The following PLCE1 variants were observed in gnomAD, a reference collection of about 807,000 sequenced individuals.
PLCE1 encodes the protein 1-phosphatidylinositol 4,5-bisphosphate phosphodiesterase epsilon-1.
PLCE1 carries 119 observed loss-of-function variants against 242.8 expected under a neutral mutation model. The ratio of observed to expected loss-of-function variants is 0.49; its 90% CI spans 0.42 to 0.57. The LOEUF (loss-of-function observed/expected upper bound fraction) is 0.57, where lower values mean the gene tolerates loss of function less well. Among genes scored for constraint, PLCE1 ranks in the 20% least tolerant of loss-of-function variants. The pLI is 0.00. For missense variants in PLCE1, 2,441 were observed against 2,788.8 expected (o/e 0.88, Z 2.81); for synonymous variants, 945 against 1,017.4 (o/e 0.93, Z 1.35).
intron 2 of PLCE1, among the ~76,000 whole-genome samples, chr10:94,083,071 C>T (rs1351258752): frequency 1.3e-5 from 2 of 152,138 alleles, no homozygotes; most frequent in Non-Finnish European, 2.9e-5. Context: ...TGCAACCAAG[C>T]TCCTGATAAG....
At chr10:94,084,742 T>C (rs1436532978) in intron 2 of PLCE1, among the ~76,000 whole-genome samples, 3 of 152,198 alleles carry the variant, frequency 2.0e-5, no homozygotes, top group East Asian at 3.8e-4. Flanking sequence ...CTGTTTCTGA[T>C]TGGACAATGC....
Position 94,270,480 on chromosome 10 carries a change from T to A in PLCE1, c.4390-6T>A. 1 of 1,596,412 alleles carries A rather than the reference T, an allele frequency of 6.3e-7. No homozygotes were observed. The highest frequency in any genetic ancestry group is 8.6e-7 in the Non-Finnish European group (1 of 1,164,056). On this transcript the variant is annotated splice_polypyrimidine_tract_variant and splice_region_variant and intron_variant, in intron 17 of 32. Coordinates refer to ENST00000371380, the MANE Select transcript of PLCE1 (RefSeq NM_016341.4). ...GGACTCTAATGAGCTGTTTTGGCTC[T>A]CATAGGAAGTGGTTGAAGCCATTGA...
Position 94,308,621 on chromosome 10 carries a change from C to G in PLCE1, c.5925C>G (p.Val1975=). The G allele has an allele frequency of 6.2e-7, 1 of 1,613,448 alleles. No individual in the cohort carries two copies. Among genetic ancestry groups the G allele is most frequent in the Non-Finnish European group, 8.5e-7 (1 of 1,179,418 alleles). Residue 1975 remains valine, a synonymous_variant, in exon 27 of 33, where the codon GTC becomes GTG. Transcript: ENST00000371380. ...AGCTGCGAAACCTTCACAATGAAGT[C>G]TTGGAGATTTCTAGTTTATTCATTA... is the stretch of plus-strand genomic sequence containing the variant. ...HLQLRNLHNE[V]LEISSLFINS... is the part of the protein sequence containing the mutation.
intron 2 of PLCE1, chr10:94,107,678 G>A (rs1361534070): frequency 6.6e-6 from 1 of 152,010 alleles, no homozygotes; most frequent in East Asian, 1.9e-4. Context: ...TTTCTAATTG[G>A]AGTTAGGATG....
intron 3 of PLCE1, among the ~76,000 whole-genome samples, chr10:94,165,351 C>T (rs113513805): frequency 6.6e-5 from 10 of 152,318 alleles, no homozygotes; most frequent in South Asian, 2.1e-4. Context: ...CCCCCAGCCT[C>T]GCTGCCGCCT....
At chr10:94,160,057 T>C (rs934792844) in intron 3 of PLCE1, among the ~76,000 whole-genome samples, 3 of 152,214 alleles carry the variant, frequency 2.0e-5, no homozygotes, top group African/African-American at 7.2e-5. Context: ...TTTCCTATTG[T>C]GAATAGTGCC....
At chr10:94,267,017 C>A (rs1014421948) in intron 16 of PLCE1, among the ~76,000 whole-genome samples, 1 of 152,156 alleles carries the variant, frequency 6.6e-6, no homozygotes. Context: ...AGGTAATGTA[C>A]TACTCCTCTA....
chr10:94,078,945 A>T (rs1412889314), intron 2 of PLCE1, among the ~76,000 whole-genome samples: 1 of 152,166 alleles, frequency 6.6e-6, no homozygotes, highest in Non-Finnish European at 1.5e-5. Flanking sequence ...GAAGTTGAGG[A>T]TGTGTGCAAA....
chr10:94,235,867 T>A (rs771341466), intron 6 of PLCE1, 48 bp from the exon 7 acceptor site: 1 of 1,530,956 alleles, frequency 6.5e-7, no homozygotes, highest in South Asian at 1.1e-5. Context: ...AAGTATGTTA[T>A]CCAGGCATAT....
chr10:94,150,853 G>A (rs938534159), intron 3 of PLCE1, among the ~76,000 whole-genome samples: 9 of 152,180 alleles, frequency 5.9e-5, no homozygotes, highest in African/African-American at 2.2e-4. Context: ...TGCAGTGAGT[G>A]AAGGTGCCCA....
chr10:94,273,709 T>C lies in PLCE1; in HGVS notation c.4654T>C (p.Leu1552=), dbSNP rs1564850808. ...AGCCCATCAGACGCCAGTGGATATC[T>C]TAAAGCAAAAGGTACTCCCCTCTGT... ...LKAHQTPVDI[L]KQKAHQLASM... Residue 1552 remains leucine (L), a synonymous_variant, in exon 19 of 33, where the codon TTA becomes CTA. Coordinates refer to ENST00000371380, the MANE Select transcript of PLCE1 (RefSeq NM_016341.4). 6.2e-7 allele frequency: 1 copy of C among 1,613,874 alleles called. No homozygotes were observed. The highest frequency in any genetic ancestry group is 8.5e-7 in the Non-Finnish European group (1 of 1,179,844).
chr10:94,296,399 T>C (rs887429584), intron 23 of PLCE1, among the ~76,000 whole-genome samples: 6 of 151,774 alleles, frequency 4.0e-5, no homozygotes, highest in East Asian at 1.9e-4. Flanking sequence ...TGTTGTTTAA[T>C]GTAGCCACCT....
Position 94,234,083 on chromosome 10 carries a change from T to G in PLCE1, c.1985T>G (p.Phe662Cys), listed in dbSNP as rs200246546. 1.9e-6 allele frequency: 3 copies of G among 1,614,076 alleles called. No homozygotes were observed. Among genetic ancestry groups the G allele is most frequent in the Non-Finnish European group, 1.7e-6 (2 of 1,179,946 alleles). ...RSRKVLKMWQ[F>C]MDQSDIETMR... ...AGAAAAGTTTTAAAAATGTGGCAGT[T>G]CATGGACCAGTCTGATATTGAGACC... Residue 662 changes from phenylalanine to cysteine, a missense_variant, in exon 6 of 33, where the codon TTC (phenylalanine) becomes TGC (cysteine). Transcript: ENST00000371380.
intron 3 of PLCE1, among the ~76,000 whole-genome samples, chr10:94,141,274 G>A (rs765920246): frequency 5.9e-5 from 9 of 152,314 alleles, no homozygotes; most frequent in South Asian, 2.1e-4. Flanking sequence ...ATGTGACTCC[G>A]TCACCAGGTG....
At position 94,065,995 on chromosome 10, in the gene PLCE1, C is replaced by T. The variant is rs141893275; in HGVS notation, c.1206+33743C>T. Reference sequence around the variant, plus strand: ...AAGTCTGTGTTTGCTTTGTCAGTGTCCTCTCTTTAAAGAGGCAGTATTTTG... The same window carrying T: ...AAGTCTGTGTTTGCTTTGTCAGTGTTCTCTCTTTAAAGAGGCAGTATTTTG... On this transcript the variant is annotated intron_variant, in intron 2 of 32. Coordinates refer to ENST00000371380, the MANE Select transcript of PLCE1 (RefSeq NM_016341.4). Among the ~76,000 whole-genome samples, 298 of 152,222 alleles carry T rather than the reference C, an allele frequency of 2.0e-3. 1 individual carries two copies. Among genetic ancestry groups the T allele is most frequent in the Non-Finnish European group, 3.0e-3 (207 of 68,018 alleles).
intron 4 of PLCE1, among the ~76,000 whole-genome samples, chr10:94,212,581 G>A (rs549387153): frequency 6.6e-6 from 1 of 152,186 alleles, no homozygotes; most frequent in African/African-American, 2.4e-5. Flanking sequence ...AATAGAGATG[G>A]GGTTTCACCC....
At position 94,288,534 on chromosome 10, in the gene PLCE1, C is replaced by A. The variant is rs529575481; in HGVS notation, c.5035+3569C>A. 4.6e-5 allele frequency among the ~76,000 whole-genome samples: 7 copies of A among 152,320 alleles called. No homozygotes were observed. The South Asian group carries it at 1.5e-3, about 32-fold the overall frequency. On this transcript the variant is annotated intron_variant, in intron 22 of 32. Transcript: ENST00000371380. ...TTAACATACCCAGTCTCAGGCCTCT[C>A]TACCAGGGATTTACATTTGGAAGGC...
chr10:94,212,221 G>A (rs2049359866), intron 4 of PLCE1, among the ~76,000 whole-genome samples: 1 of 152,032 alleles, frequency 6.6e-6, no homozygotes, highest in Admixed American at 6.6e-5. Context: ...CAAGTAGCTG[G>A]AATTACATGT....
At chr10:94,118,340 C>T (rs1439313874) in intron 2 of PLCE1, among the ~76,000 whole-genome samples, 1 of 152,042 alleles carries the variant, frequency 6.6e-6, no homozygotes, top group Non-Finnish European at 1.5e-5. Context: ...ACTCCTGAGC[C>T]CTCTGAAGGT....
Sources: allele counts gnomAD v4.1 joint callset (sites outside exome capture counted in the v4.1 genomes callset), GRCh38; gene constraint gnomAD v4.1.1; transcripts MANE v1.5; gene names NCBI Gene and HGNC (gene_info 2026-07-23, HGNC 2026-07-21).